TEKTL1: variants seen among roughly 807,000 people sequenced by gnomAD.
TEKTL1 encodes tektin like 1, also known as tektin-like protein 1.
At chr19:15,020,261 T>A in the TEKTL1 span, among the ~76,000 whole-genome samples, 1 of 149,776 alleles carries the variant, frequency 6.7e-6, no homozygotes, top group East Asian at 2.0e-4. Flanking sequence ...AGAGCTATGG[T>A]GGCACCACTG....
At chr19:15,019,184 A>G in the TEKTL1 span, among the ~76,000 whole-genome samples, 1 of 152,156 alleles carries the variant, frequency 6.6e-6, no homozygotes, top group Admixed American at 6.6e-5. Flanking sequence ...CCTAGGCTCA[A>G]GCGATCCTCC....
At chr19:15,016,827 A>G in the TEKTL1 span, among the ~76,000 whole-genome samples, 100 of 152,320 alleles carry the variant, frequency 6.6e-4, 1 homozygote, top group South Asian at 0.02. Flanking sequence ...ATGCATATGA[A>G]TGGGCATGAC....
At chr19:15,011,246 G>C in the TEKTL1 span, 1 of 1,500,880 alleles carries the variant, frequency 6.7e-7, no homozygotes, top group Non-Finnish European at 8.9e-7. Flanking sequence ...CGCCCGCCTC[G>C]GCCGCGCGCA....
At chr19:15,018,480 G>A in the TEKTL1 span, among the ~76,000 whole-genome samples, 2 of 150,686 alleles carry the variant, frequency 1.3e-5, no homozygotes, top group Non-Finnish European at 3.0e-5. Context: ...AGCCCAAGGT[G>A]GGTGGATTGC....
the TEKTL1 span, chr19:15,021,444 G>A: frequency 6.2e-7 from 1 of 1,614,218 alleles, no homozygotes; most frequent in Non-Finnish European, 8.5e-7. Context: ...TGGACGTCCG[G>A]GAGCAACAGC....
At chr19:15,018,717 T>TATATATATATAC in the TEKTL1 span, among the ~76,000 whole-genome samples, 1 of 108,506 alleles carries the variant, frequency 9.2e-6, no homozygotes, top group African/African-American at 3.4e-5. Context: ...TATCTCAAAA[T>TATATATATATAC]ATGTATATAT....
the TEKTL1 span, chr19:15,023,065 G>T: frequency 6.2e-7 from 1 of 1,611,194 alleles, no homozygotes; most frequent in Non-Finnish European, 8.5e-7. Context: ...GCCTGGTTAA[G>T]GACTGGGACC....
the TEKTL1 span, among the ~76,000 whole-genome samples, chr19:15,021,098 C>A: frequency 5.3e-5 from 8 of 152,072 alleles, no homozygotes; most frequent in South Asian, 1.5e-3. Flanking sequence ...CCAGGCTGGT[C>A]TCGAACTCCT....
chr19:15,017,001 G>A, the TEKTL1 span, among the ~76,000 whole-genome samples: 1 of 152,174 alleles, frequency 6.6e-6, no homozygotes, highest in Non-Finnish European at 1.5e-5. Flanking sequence ...GAGGCCAGGA[G>A]TTTGAGGCCA....
chr19:15,016,185 CTTTTTTTT>C, the TEKTL1 span, among the ~76,000 whole-genome samples: 11 of 66,756 alleles, frequency 1.6e-4, no homozygotes, highest in African/African-American at 7.7e-4. Context: ...GACAGCTGTC[CTTTTTTTT>C]TTTTTTTTTT....
At chr19:15,023,192 A>G in the TEKTL1 span, 12 of 1,375,826 alleles carry the variant, frequency 8.7e-6, no homozygotes, top group Admixed American at 2.6e-5. Context: ...ACACAGCCCC[A>G]TGGCCCTCCC....
At chr19:15,011,602 C>T in the TEKTL1 span, among the ~76,000 whole-genome samples, 5 of 152,112 alleles carry the variant, frequency 3.3e-5, no homozygotes, top group African/African-American at 9.6e-5. Context: ...GGCCTGGTGG[C>T]GCATGCCTGT....
At chr19:15,013,763 AG>A in the TEKTL1 span, 1 of 1,611,940 alleles carries the variant, frequency 6.2e-7, no homozygotes, top group Admixed American at 1.7e-5. Flanking sequence ...GAAAAATCAG[AG>A]GTCCTACTCA....
At chr19:15,016,057 G>A in the TEKTL1 span, among the ~76,000 whole-genome samples, 4 of 151,988 alleles carry the variant, frequency 2.6e-5, no homozygotes, top group Non-Finnish European at 5.9e-5. Context: ...AACTCAGTAA[G>A]GATGTGTTGA....
At chr19:15,011,734 C>CAAAA in the TEKTL1 span, among the ~76,000 whole-genome samples, 120 of 121,788 alleles carry the variant, frequency 9.9e-4, 1 homozygote, top group Middle Eastern at 4.2e-3. Flanking sequence ...AACTCCATCT[C>CAAAA]AAAAAAAAAA....
the TEKTL1 span, chr19:15,022,973 A>G: frequency 1.3e-5 from 21 of 1,613,396 alleles, no homozygotes; most frequent in East Asian, 4.5e-4. Context: ...CTGCAAGAAC[A>G]TCGGGCATGA....
chr19:15,021,546 C>T, the TEKTL1 span: 1 of 1,613,156 alleles, frequency 6.2e-7, no homozygotes, highest in African/African-American at 1.3e-5. Flanking sequence ...CGGCTGCGGG[C>T]CAGGGTGGGA....
chr19:15,019,376 C>A, the TEKTL1 span, among the ~76,000 whole-genome samples: 1 of 152,070 alleles, frequency 6.6e-6, no homozygotes, highest in African/African-American at 2.4e-5. Context: ...GAAAAGAATA[C>A]GTTTTAAATG....
the TEKTL1 span, chr19:15,022,990 CG>C: frequency 3.7e-6 from 6 of 1,613,266 alleles, no homozygotes; most frequent in Non-Finnish European, 4.2e-6. Context: ...ATGAGGTGGA[CG>C]GCAACGTGGT....
Sources: gnomAD v4.1 joint callset for allele counts (sites outside exome capture counted in the v4.1 genomes callset) on GRCh38, gnomAD v4.1.1 for gene constraint, MANE v1.5 for transcripts, NCBI Gene and HGNC (gene_info 2026-07-23, HGNC 2026-07-21) for gene names.